The following TBL1XR1 variants were observed in gnomAD, a reference collection of about 807,000 sequenced individuals.
The protein encoded by TBL1XR1 is TBL1X/Y related 1, also known as F-box-like/WD repeat-containing protein TBL1XR1.
TBL1XR1 carries 5 observed loss-of-function variants against 66.9 expected under a neutral mutation model. The observed-to-expected ratio is 0.07, with a 90% CI of 0.04 to 0.16. The LOEUF (loss-of-function observed/expected upper bound fraction) is 0.16. TBL1XR1 is among the 10% of genes least tolerant of loss of function. TBL1XR1 has a pLI of 1.00. For synonymous variants in TBL1XR1, 210 were observed against 206.0 expected (o/e 1.02, Z -0.17); for missense variants, 238 against 623.2 (o/e 0.38, Z 6.58).
chr3:177,119,561 G>A (rs1308308716), intron 1 of TBL1XR1, among the ~76,000 whole-genome samples: 1 of 152,124 alleles, frequency 6.6e-6, no homozygotes, highest in Non-Finnish European at 1.5e-5. Flanking sequence ...TTTCTTAACT[G>A]TCCCGCAACA....
Position 177,098,559 on chromosome 3 carries a change from A to C in TBL1XR1, c.-121-18T>G. ...TGTTGATGCTGAGGAAAAGGAAAGTAAAGTATTCAATGTGCCCTAAAACAA... is the reference window on the plus strand; with the variant it reads ...TGTTGATGCTGAGGAAAAGGAAAGTCAAGTATTCAATGTGCCCTAAAACAA... On this transcript the variant is annotated intron_variant, in intron 1 of 15. Transcript: ENST00000457928. 1 of 984,824 alleles carries C rather than the reference A, an allele frequency of 1.0e-6. No homozygotes were observed. The highest frequency in any genetic ancestry group is 1.2e-6 in the Non-Finnish European group (1 of 828,958). 61.0% of individuals were successfully genotyped at this position (984,824 alleles called of 1,614,324 possible).
intron 2 of TBL1XR1, among the ~76,000 whole-genome samples, chr3:177,084,713 G>A (rs1203050974): frequency 6.6e-6 from 1 of 152,146 alleles, no homozygotes; most frequent in Non-Finnish European, 1.5e-5. Context: ...TGCAATGTTA[G>A]TTCTGAACAA....
intron 1 of TBL1XR1, among the ~76,000 whole-genome samples, chr3:177,100,130 TCGGGAGCC>T: frequency 6.6e-6 from 1 of 152,042 alleles, no homozygotes; most frequent in South Asian, 2.1e-4. Context: ...TCCTAGCTAC[TCGGGAGCC>T]TGGGGCACGA....
At chr3:177,108,325 A>G (rs140582346) in intron 1 of TBL1XR1, among the ~76,000 whole-genome samples, 144 of 152,326 alleles carry the variant, frequency 9.5e-4, no homozygotes, top group Middle Eastern at 6.8e-3. Flanking sequence ...TAAGAAAATT[A>G]TAAGTATTAA....
chr3:177,199,481 A>T (rs1156772659), upstream of TBL1XR1, among the ~76,000 whole-genome samples: 1 of 151,240 alleles, frequency 6.6e-6, no homozygotes, highest in Non-Finnish European at 1.5e-5. Flanking sequence ...AAACATATCT[A>T]TTGGCTTAGA....
At chr3:177,189,265 C>A (rs1403053747) in intron 1 of TBL1XR1, among the ~76,000 whole-genome samples, 1 of 151,078 alleles carries the variant, frequency 6.6e-6, no homozygotes, top group Non-Finnish European at 1.5e-5. Context: ...CGCCTATAAT[C>A]CCAGCACTCT....
intron 1 of TBL1XR1, among the ~76,000 whole-genome samples, chr3:177,190,414 G>C (rs4419388): frequency 0.57 from 86,757 of 151,964 alleles, 25,146 homozygotes; most frequent in East Asian, 0.75. Flanking sequence ...CTCCCGGGTT[G>C]AAGCTATTCT....
chr3:177,058,116 A>G (rs1325535898), intron 3 of TBL1XR1, among the ~76,000 whole-genome samples: 1 of 152,210 alleles, frequency 6.6e-6, no homozygotes. Flanking sequence ...GTACAGGATG[A>G]CTAGATGAGA....
rs1347959836 is a variant in TBL1XR1 at position 177,025,348 on chromosome 3, T to G, written c.*150A>C. On this transcript the variant is annotated 3_prime_UTR_variant, in exon 16 of 16. Coordinates refer to ENST00000457928, the MANE Select transcript of TBL1XR1 (RefSeq NM_024665.7). ...TGTCATCTTCAGGGTGCAATTTTGT[T>G]TATATACACTGTATGTATATATTTC... 5.0e-6 allele frequency: 3 copies of G among 594,336 alleles called. No individual in the cohort carries two copies. The highest frequency in any genetic ancestry group is 1.9e-5 in the African/African-American group (1 of 51,892). The allele number at this position is 594,336 out of a possible 1,614,324, so 36.8% of individuals were successfully genotyped here.
intron 1 of TBL1XR1, among the ~76,000 whole-genome samples, chr3:177,122,509 C>CCT (rs1233666909): frequency 1.3e-5 from 2 of 152,064 alleles, no homozygotes; most frequent in African/African-American, 2.4e-5. Flanking sequence ...TTACTCTATA[C>CCT]CTCTTGTGCA....
At chr3:177,084,998 CCTA>C (rs1220469875) in intron 2 of TBL1XR1, among the ~76,000 whole-genome samples, 2 of 152,170 alleles carry the variant, frequency 1.3e-5, no homozygotes, top group African/African-American at 4.8e-5. Flanking sequence ...CTGTAATTGG[CCTA>C]CTTTTTTGGT....
At chr3:177,048,900 G>T (rs566444418) in intron 7 of TBL1XR1, among the ~76,000 whole-genome samples, 1 of 152,142 alleles carries the variant, frequency 6.6e-6, no homozygotes, top group Non-Finnish European at 1.5e-5. Flanking sequence ...CATGGCCAGT[G>T]GACCAGGTAG....
chr3:177,081,930 A>G (rs1390472402), intron 2 of TBL1XR1, among the ~76,000 whole-genome samples: 1 of 152,096 alleles, frequency 6.6e-6, no homozygotes, highest in Non-Finnish European at 1.5e-5. Context: ...AGACACTGGT[A>G]CTAAAATTAG....
intron 1 of TBL1XR1, among the ~76,000 whole-genome samples, chr3:177,117,476 C>T (rs1370558655): frequency 6.6e-6 from 1 of 152,130 alleles, no homozygotes; most frequent in Non-Finnish European, 1.5e-5. Context: ...TCTAAAATTT[C>T]CCTTTTAGAT....
At chr3:177,180,716 A>G (rs1734719826) in intron 1 of TBL1XR1, among the ~76,000 whole-genome samples, 1 of 151,482 alleles carries the variant, frequency 6.6e-6, no homozygotes, top group Non-Finnish European at 1.5e-5. Flanking sequence ...GTCTCTAAAT[A>G]CCAAGATCTC....
intron 1 of TBL1XR1, among the ~76,000 whole-genome samples, chr3:177,165,553 G>T (rs144697410): frequency 1.0e-3 from 157 of 152,178 alleles, no homozygotes; most frequent in African/African-American, 3.5e-3. Flanking sequence ...TGCCCTACTT[G>T]ACCTCAAGAC....
chr3:177,064,500 A>G (rs1276478738), intron 3 of TBL1XR1, among the ~76,000 whole-genome samples: 2 of 152,240 alleles, frequency 1.3e-5, no homozygotes, highest in South Asian at 2.1e-4. Context: ...CTTAATTCAA[A>G]TAATAATTTT....
intron 4 of TBL1XR1, among the ~76,000 whole-genome samples, chr3:177,053,280 G>A (rs1434004868): frequency 2.0e-5 from 3 of 152,158 alleles, no homozygotes; most frequent in Non-Finnish European, 4.4e-5. Flanking sequence ...AATGCATGTG[G>A]CTATGTTCCA....
intron 14 of TBL1XR1, among the ~76,000 whole-genome samples, chr3:177,030,048 T>C (rs1713721855): frequency 1.3e-5 from 2 of 152,046 alleles, no homozygotes; most frequent in African/African-American, 4.8e-5. Context: ...CACGTAAATA[T>C]ACCGTATGGG....
Sources: gnomAD v4.1 joint callset for allele counts (sites outside exome capture counted in the v4.1 genomes callset) on GRCh38, gnomAD v4.1.1 for gene constraint, MANE v1.5 for transcripts, NCBI Gene and HGNC (gene_info 2026-07-23, HGNC 2026-07-21) for gene names.